The following SDCCAG8 variants were observed in gnomAD, a reference collection of about 807,000 sequenced individuals.
SDCCAG8 encodes serologically defined colon cancer antigen 8.
SDCCAG8 carries 74 observed loss-of-function variants against 101.8 expected under a neutral mutation model. The ratio of observed to expected loss-of-function variants is 0.73; its 90% confidence interval spans 0.60 to 0.88. The LOEUF (loss-of-function observed/expected upper bound fraction) is 0.88, where lower values mean the gene tolerates loss of function less well. SDCCAG8 is among the 40% of genes least tolerant of loss of function. The pLI, the probability that SDCCAG8 is intolerant of heterozygous loss-of-function variation, is 0.00. For missense variants in SDCCAG8, 787 were observed against 822.6 expected, an observed-to-expected ratio of 0.96 and a Z score of 0.53; for synonymous variants, 281 against 292.9, an observed-to-expected ratio of 0.96 and a Z score of 0.41.
At chr1:243,429,806 A>G (rs2081595985) in intron 16 of SDCCAG8, among the ~76,000 whole-genome samples, 1 of 150,436 alleles carries the variant, frequency 6.6e-6, no homozygotes, top group South Asian at 2.1e-4. Context: ...GGTTCAAACA[A>G]TTCTCCTGCC....
At chr1:243,376,091 G>A (rs1359028504) in intron 12 of SDCCAG8, among the ~76,000 whole-genome samples, 2 of 152,088 alleles carry the variant, frequency 1.3e-5, no homozygotes, top group African/African-American at 4.8e-5. Context: ...TGAGAAGGGG[G>A]AACTTTTATG....
intron 5 of SDCCAG8, among the ~76,000 whole-genome samples, chr1:243,292,340 C>T (rs1027846163): frequency 6.6e-6 from 1 of 152,198 alleles, no homozygotes; most frequent in African/African-American, 2.4e-5. Context: ...AAAGGATACT[C>T]TTATCACCAT....
intron 4 of SDCCAG8, among the ~76,000 whole-genome samples, chr1:243,278,407 G>A (rs1339361808): frequency 6.6e-6 from 1 of 152,084 alleles, no homozygotes; most frequent in Non-Finnish European, 1.5e-5. Context: ...TTTTAATAGA[G>A]ATGGGGTTTC....
chr1:243,466,705 C>A (rs963749953), intron 16 of SDCCAG8, among the ~76,000 whole-genome samples: 1 of 152,184 alleles, frequency 6.6e-6, no homozygotes, highest in Non-Finnish European at 1.5e-5. Context: ...AGGAAATGAG[C>A]CTGTATTATG....
intron 16 of SDCCAG8, among the ~76,000 whole-genome samples, chr1:243,486,202 CAAAAA>C (rs57724631): frequency 0.094 from 5,776 of 61,388 alleles, 497 homozygotes; most frequent in African/African-American, 0.3. Flanking sequence ...ACTCTGCCTC[CAAAAA>C]AAAAAAAAAA....
chr1:243,283,404 TA>T (rs2069254352), intron 4 of SDCCAG8, among the ~76,000 whole-genome samples: 4 of 9,570 alleles, frequency 4.2e-4, no homozygotes, highest in Non-Finnish European at 2.0e-3. Context: ...TGTTTATTTA[TA>T]TATATATATA....
At chr1:243,287,392 T>G (rs1233083408) in intron 5 of SDCCAG8, among the ~76,000 whole-genome samples, 1 of 152,030 alleles carries the variant, frequency 6.6e-6, no homozygotes, top group Non-Finnish European at 1.5e-5. Context: ...CATTGGGATA[T>G]CCTCTAATTT....
At chr1:243,466,057 C>T (rs1255708531) in intron 16 of SDCCAG8, among the ~76,000 whole-genome samples, 4 of 152,274 alleles carry the variant, frequency 2.6e-5, no homozygotes, top group African/African-American at 9.6e-5. Flanking sequence ...TTGGTAAAAG[C>T]GTTGAAATAG....
At chr1:243,415,467 A>G (rs2080507355) in intron 13 of SDCCAG8, among the ~76,000 whole-genome samples, 1 of 152,160 alleles carries the variant, frequency 6.6e-6, no homozygotes, top group East Asian at 1.9e-4. Context: ...TTTAGTTGTT[A>G]TGATGTTTTG....
chr1:243,325,057 G>T (rs980072523), intron 9 of SDCCAG8, among the ~76,000 whole-genome samples: 3 of 152,146 alleles, frequency 2.0e-5, no homozygotes, highest in Non-Finnish European at 4.4e-5. Context: ...TCCTGTTGAT[G>T]TGGTGTATAA....
intron 13 of SDCCAG8, among the ~76,000 whole-genome samples, chr1:243,409,592 A>T (rs920498887): frequency 2.0e-5 from 3 of 152,146 alleles, no homozygotes; most frequent in African/African-American, 7.2e-5. Flanking sequence ...TGGTACAAGG[A>T]CATTACAAGA....
At chr1:243,478,710 G>A (rs1281520797) in intron 16 of SDCCAG8, among the ~76,000 whole-genome samples, 1 of 152,128 alleles carries the variant, frequency 6.6e-6, no homozygotes, top group Non-Finnish European at 1.5e-5. Context: ...TGTAATCCCA[G>A]CACTTTGGGA....
At chr1:243,450,065 A>C (rs1327874969) in intron 16 of SDCCAG8, among the ~76,000 whole-genome samples, 2 of 152,228 alleles carry the variant, frequency 1.3e-5, no homozygotes, top group Non-Finnish European at 2.9e-5. Flanking sequence ...GATTCTAGGC[A>C]GTTAGTCAGA....
At chr1:243,434,744 G>T (rs1194737158) in intron 16 of SDCCAG8, among the ~76,000 whole-genome samples, 1 of 152,336 alleles carries the variant, frequency 6.6e-6, no homozygotes, top group South Asian at 2.1e-4. Flanking sequence ...TGTTTATACT[G>T]TGGTGGGAAG....
intron 17 of SDCCAG8, among the ~76,000 whole-genome samples, chr1:243,493,369 G>C (rs1254495189): frequency 1.3e-5 from 2 of 152,190 alleles, no homozygotes; most frequent in Non-Finnish European, 2.9e-5. Context: ...GAGCCAGCTG[G>C]TGAGGAAACA....
intron 16 of SDCCAG8, among the ~76,000 whole-genome samples, chr1:243,447,516 G>A (rs1035873638): frequency 1.3e-5 from 2 of 151,506 alleles, no homozygotes; most frequent in African/African-American, 2.4e-5. Context: ...GCCTGCGCAC[G>A]CACACACACA....
At chr1:243,494,322 A>G (rs184981089) in intron 17 of SDCCAG8, among the ~76,000 whole-genome samples, 6 of 152,328 alleles carry the variant, frequency 3.9e-5, no homozygotes, top group Admixed American at 3.3e-4. Context: ...TGACTCTGTT[A>G]AAGTTTGCCC....
chr1:243,272,917 C>T (rs558519817), intron 3 of SDCCAG8, among the ~76,000 whole-genome samples: 2 of 152,258 alleles, frequency 1.3e-5, no homozygotes, highest in East Asian at 3.9e-4. Context: ...TACTTATTGT[C>T]TTAAAATGTA....
In SDCCAG8 at chr1:243,499,992, G is replaced by C; in HGVS notation, c.*207G>C. On this transcript the variant is annotated 3_prime_UTR_variant, in exon 18 of 18. Coordinates refer to ENST00000366541, the MANE Select transcript of SDCCAG8 (RefSeq NM_006642.5). ...CTGACTCTAGCTGAGCAGAGCTCCT[G>C]GTGTATGTTTTCAGAAATGGCTTGA... 1.7e-6 allele frequency: 1 copy of C among 602,176 alleles called. No individual in the cohort carries two copies. Among genetic ancestry groups the C allele is most frequent in the Non-Finnish European group, 3.0e-6 (1 of 336,704 alleles). The allele number at this position is 602,176 out of a possible 1,614,324, so 37.3% of individuals were successfully genotyped here. A position where few individuals can be genotyped will look rare whatever the true frequency, so the allele number is the denominator to read the frequency against.
Sources: gnomAD v4.1 joint callset for allele counts (sites outside exome capture counted in the v4.1 genomes callset) on GRCh38, gnomAD v4.1.1 for gene constraint, MANE v1.5 for transcripts, NCBI Gene and HGNC (gene_info 2026-07-23, HGNC 2026-07-21) for gene names.